Variants in IPO9 observed in about 807,000 individuals in gnomAD.
IPO9 encodes the protein importin 9.
In IPO9, 28 loss-of-function variants were observed where a neutral mutation model predicts 128.6. The ratio of observed to expected loss-of-function variants is 0.22; its 90% CI spans 0.16 to 0.30. IPO9 has a LOEUF of 0.30. Ranked by LOEUF, IPO9 falls within the 10% of genes least tolerant of loss-of-function variation. IPO9 has a pLI of 1.00. For synonymous variants in IPO9, 455 were observed against 475.8 expected, an observed-to-expected ratio of 0.96 and a Z score of 0.57; for missense variants, 935 against 1,293.9, an observed-to-expected ratio of 0.72 and a Z score of 4.26.
intron 11 of IPO9, 125 bp from the exon 12 acceptor site, chr1:201,858,322 G>C: frequency 2.0e-6 from 1 of 499,172 alleles, no homozygotes; most frequent in Non-Finnish European, 3.7e-6. Context: ...AATACAATTA[G>C]GGGTTTGCAC....
At chr1:201,833,563 G>A (rs1679876179) in intron 1 of IPO9, among the ~76,000 whole-genome samples, 2 of 152,084 alleles carry the variant, frequency 1.3e-5, no homozygotes, top group Admixed American at 1.3e-4. Context: ...GAGCCCCTGT[G>A]CTTGCTATTT....
In IPO9 at chr1:201,872,925, G is replaced by A; in HGVS notation, c.2674G>A (p.Asp892Asn). 2 of 1,613,896 alleles carry A rather than the reference G, an allele frequency of 1.2e-6. No homozygotes were observed. Among genetic ancestry groups the A allele is most frequent in the Non-Finnish European group, 1.7e-6 (2 of 1,179,926 alleles). Reference sequence around the variant, plus strand: ...GAAGGGAGAGGAGATCTACAGCATGGATGAGGGCATCCGCACCCGCTCTAA... The same window carrying A: ...GAAGGGAGAGGAGATCTACAGCATGAATGAGGGCATCCGCACCCGCTCTAA... ...RVKGEEIYSM[D>N]EGIRTRSKSA... Residue 892 changes from aspartate to asparagine, a missense_variant, in exon 20 of 24, where the codon GAT (aspartate) becomes AAT (asparagine). By Grantham distance (23) the Asp-to-Asn change is conservative (BLOSUM62 1). Transcript: ENST00000361565.
rs1680929982 is a variant in IPO9 at position 201,883,599 on chromosome 1, G to C, written c.*7545G>C. 1 of 152,248 alleles carries C rather than the reference G, an allele frequency of 6.6e-6. No homozygotes were observed. Among genetic ancestry groups the C allele is most frequent in the Admixed American group, 6.5e-5 (1 of 15,286 alleles). 9.4% of individuals were successfully genotyped at this position (152,248 alleles called of 1,614,324 possible). A position where few individuals can be genotyped will look rare whatever the true frequency, so the allele number is the denominator to read the frequency against. On this transcript the variant is annotated 3_prime_UTR_variant, in exon 24 of 24. Coordinates refer to ENST00000361565, the MANE Select transcript of IPO9 (RefSeq NM_018085.5). The stretch of plus-strand genomic sequence containing the variant: ...GCAAGCTTAAGAGCATGTATGAGCA[G>C]AACCTGTGCAGACCAAGGCTTAGAG...
At chr1:201,852,459 T>G (rs1436700262) in intron 5 of IPO9, among the ~76,000 whole-genome samples, 3 of 152,210 alleles carry the variant, frequency 2.0e-5, no homozygotes, top group South Asian at 2.1e-4. Flanking sequence ...AATAGTGCCT[T>G]CCTTCATGCT....
Position 201,847,172 on chromosome 1 carries a change from A to G in IPO9, c.164-107A>G, listed in dbSNP as rs74604649. The stretch of plus-strand genomic sequence containing the variant: ...GCAGTTATCAGCTCTTTTTGAAACA[A>G]CAGATTAAGTTTCTTTCTGGAATCT... On this transcript the variant is annotated intron_variant, in intron 1 of 23. Transcript: ENST00000361565. 1.6e-3 allele frequency: 1,294 copies of G among 809,908 alleles called. 11 individuals are homozygous for G. The African/African-American group carries it at 0.02, about 12-fold the overall frequency. 50.2% of individuals were successfully genotyped at this position (809,908 alleles called of 1,614,324 possible).
intron 18 of IPO9, 87 bp from the exon 19 acceptor site, chr1:201,871,074 A>G: frequency 1.4e-6 from 2 of 1,383,114 alleles, no homozygotes; most frequent in South Asian, 1.3e-5. Context: ...TGTAGACTGT[A>G]TTTCTTATCT....
chr1:201,829,203 A>G lies in IPO9; in HGVS notation c.-7A>G, dbSNP rs1367092093. ...GCCGCGGGGCTGGCGGGCTGAGGGG[A>G]GAAAAGATGGCGGCGGCGGCGGCAG... On this transcript the variant is annotated 5_prime_UTR_variant, in exon 1 of 24. Transcript: ENST00000361565. 5 of 1,522,602 alleles carry G rather than the reference A, an allele frequency of 3.3e-6. No individual in the cohort carries two copies. Among genetic ancestry groups the G allele is most frequent in the Non-Finnish European group, 4.4e-6 (5 of 1,139,302 alleles). 94.3% of individuals were successfully genotyped at this position (1,522,602 alleles called of 1,614,324 possible).
intron 1 of IPO9, among the ~76,000 whole-genome samples, chr1:201,836,856 G>GT (rs962099494): frequency 5.3e-5 from 8 of 152,182 alleles, no homozygotes; most frequent in African/African-American, 1.7e-4. Flanking sequence ...TTTTGAAACT[G>GT]TAGGGGTCTG....
intron 15 of IPO9, 92 bp downstream of exon 15, chr1:201,867,051 A>T: frequency 9.9e-7 from 1 of 1,006,752 alleles, no homozygotes; most frequent in Non-Finnish European, 1.5e-6. Context: ...GTCTGGTCTT[A>T]GCTATGAAGC....
chr1:201,833,390 C>CTGT (rs1195853462), intron 1 of IPO9, among the ~76,000 whole-genome samples: 40 of 152,156 alleles, frequency 2.6e-4, no homozygotes, highest in African/African-American at 9.6e-4. Flanking sequence ...AGGCGCGTAC[C>CTGT]AACACGCCAG....
At chr1:201,836,719 T>A (rs1215895198) in intron 1 of IPO9, among the ~76,000 whole-genome samples, 1 of 152,218 alleles carries the variant, frequency 6.6e-6, no homozygotes, top group Non-Finnish European at 1.5e-5. Context: ...CAGAATAAAT[T>A]GGGTTAAGTA....
Position 201,867,229 on chromosome 1 carries a change from A to T in IPO9, c.1855+270A>T, listed in dbSNP as rs200680673. Among the ~76,000 whole-genome samples, 7 of 152,344 alleles carry T rather than the reference A, an allele frequency of 4.6e-5. No individual in the cohort carries two copies. The East Asian group carries it at 1.3e-3, about 29-fold the overall frequency. On this transcript the variant is annotated intron_variant, in intron 15 of 23. Transcript: ENST00000361565. ...TAAATAAAGGGCTAATAAGCAAGAG[A>T]CATAATTCAGAACTTTGATGATAGA...
rs550961245 is a variant in IPO9, at chr1:201,854,574, G to A, written c.691-21G>A. 4 of 1,612,348 alleles carry A rather than the reference G, an allele frequency of 2.5e-6. No homozygotes were observed. In the East Asian group the frequency reaches 8.9e-5, roughly 36 times the overall value. ...ATGGATTAGGGGTTTGTCCAGTATT[G>A]ACTTTGGTTTCTGTTATCAGGGTGC... On this transcript the variant is annotated intron_variant, in intron 6 of 23. Coordinates refer to ENST00000361565, the MANE Select transcript of IPO9 (RefSeq NM_018085.5).
Position 201,872,907 on chromosome 1 carries a change from G to A in IPO9, c.2656G>A (p.Glu886Lys), listed in dbSNP as rs1488718361. Residue 886 changes from glutamate to lysine, a missense_variant, in exon 20 of 24, where the codon GAG (glutamate) becomes AAG (lysine). Coordinates refer to ENST00000361565, the MANE Select transcript of IPO9 (RefSeq NM_018085.5). Reference sequence around the variant, plus strand: ...GCTACAGGATATCCGTGTGAAGGGAGAGGAGATCTACAGCATGGATGAGGG... The same window carrying A: ...GCTACAGGATATCCGTGTGAAGGGAAAGGAGATCTACAGCATGGATGAGGG... ...KRLQDIRVKGEEIYSMDEGIR... is the reference protein window; with the variant it reads ...KRLQDIRVKGKEIYSMDEGIR... The A allele has an allele frequency of 1.2e-6, 2 of 1,613,860 alleles. No homozygotes were observed. The highest frequency in any genetic ancestry group is 2.2e-5 in the East Asian group (1 of 44,870).
At chr1:201,873,955 A>G (rs1223093077) in intron 20 of IPO9, among the ~76,000 whole-genome samples, 1 of 152,156 alleles carries the variant, frequency 6.6e-6, no homozygotes, top group Non-Finnish European at 1.5e-5. Flanking sequence ...ATTCTAAGTC[A>G]TTGGGACTGG....
chr1:201,868,607 C>T (rs2102887521), intron 15 of IPO9, 41 bp from the exon 16 acceptor site: 1 of 1,586,078 alleles, frequency 6.3e-7, no homozygotes. Context: ...CAGATGCAGA[C>T]CATCAGGCAG....
At chr1:201,852,850 C>T (rs1293818354) in intron 5 of IPO9, among the ~76,000 whole-genome samples, 161 bp from the exon 6 acceptor site, 3 of 152,184 alleles carry the variant, frequency 2.0e-5, no homozygotes, top group Non-Finnish European at 2.9e-5. Context: ...TTACAGAAGT[C>T]TGCCTCCTGG....
chr1:201,854,200 T>G (rs77946890), intron 6 of IPO9, among the ~76,000 whole-genome samples: 2,313 of 152,318 alleles, frequency 0.015, 71 homozygotes, highest in African/African-American at 0.053. Context: ...TGTAAAAAGC[T>G]TAGTCTTCTT....
intron 1 of IPO9, among the ~76,000 whole-genome samples, chr1:201,838,808 C>A (rs1237117793): frequency 6.6e-6 from 1 of 152,050 alleles, no homozygotes; most frequent in African/African-American, 2.4e-5. Flanking sequence ...CTTTCACATA[C>A]ACAAACCATA....
Sources: allele counts gnomAD v4.1 joint callset (sites outside exome capture counted in the v4.1 genomes callset), GRCh38; gene constraint gnomAD v4.1.1; transcripts MANE v1.5; gene names NCBI Gene and HGNC (gene_info 2026-07-23, HGNC 2026-07-21).